The following LRRC7 variants were observed in gnomAD, a reference collection of about 807,000 sequenced individuals.
LRRC7 encodes leucine rich repeat containing 7, also known as leucine-rich repeat-containing protein 7.
In LRRC7, 23 loss-of-function variants were observed where a neutral mutation model predicts 175.7. That is an observed-to-expected ratio of 0.13 (90% CI 0.09 to 0.19). The LOEUF (loss-of-function observed/expected upper bound fraction) is 0.19. Ranked by LOEUF, LRRC7 falls within the 10% of genes least tolerant of loss-of-function variation. The pLI is 1.00. For missense variants in LRRC7, 1,354 were observed against 1,904.7 expected, an observed-to-expected ratio of 0.71 and a Z score of 5.38; for synonymous variants, 685 against 680.9, an observed-to-expected ratio of 1.01 and a Z score of -0.09.
chr1:70,021,879 T>C (rs576662099), intron 16 of LRRC7, among the ~76,000 whole-genome samples: 45 of 152,332 alleles, frequency 3.0e-4, no homozygotes, highest in Non-Finnish European at 5.4e-4. Flanking sequence ...ATCTCTCATT[T>C]ACTTTTTATA....
intron 1 of LRRC7, among the ~76,000 whole-genome samples, chr1:69,573,250 C>A (rs1273028026): frequency 6.6e-6 from 1 of 152,034 alleles, no homozygotes; most frequent in Non-Finnish European, 1.5e-5. Flanking sequence ...CAGATTTGGC[C>A]CCTGTTCATT....
chr1:69,925,033 C>T (rs1281469840), intron 7 of LRRC7, among the ~76,000 whole-genome samples: 4 of 152,092 alleles, frequency 2.6e-5, no homozygotes, highest in Non-Finnish European at 2.9e-5. Flanking sequence ...TTGTCAAAGG[C>T]CTTTTCTGCA....
chr1:69,657,581 A>G (rs1656839571), intron 1 of LRRC7, among the ~76,000 whole-genome samples: 1 of 151,872 alleles, frequency 6.6e-6, no homozygotes, highest in South Asian at 2.1e-4. Context: ...CTGTATGTAA[A>G]GTATTAAAAG....
Position 70,122,122 on chromosome 1 carries a change from T to G in LRRC7, c.*235T>G. ...GCCTCTGGCTGTGCATTGGTGCAGT[T>G]TTGTTTCTGTTTTTGTTTTTGTTTT... is the stretch of plus-strand genomic sequence containing the variant. On this transcript the variant is annotated 3_prime_UTR_variant, in exon 27 of 27. Transcript: ENST00000651989. 1 of 322,072 alleles carries G rather than the reference T, an allele frequency of 3.1e-6. No individual in the cohort carries two copies. The highest frequency in any genetic ancestry group is 5.6e-6 in the Non-Finnish European group (1 of 177,742). 20.0% of individuals were successfully genotyped at this position (322,072 alleles called of 1,614,324 possible).
At chr1:69,852,662 A>G (rs1027742803) in intron 7 of LRRC7, among the ~76,000 whole-genome samples, 1 of 152,168 alleles carries the variant, frequency 6.6e-6, no homozygotes, top group Non-Finnish European at 1.5e-5. Flanking sequence ...CTTTTCGGTT[A>G]TATGTGGACT....
At chr1:69,762,282 CAG>C (rs1213085963) in intron 3 of LRRC7, among the ~76,000 whole-genome samples, 2 of 152,128 alleles carry the variant, frequency 1.3e-5, no homozygotes, top group Admixed American at 6.6e-5. Flanking sequence ...TTCTACTACA[CAG>C]TACTTGAAGC....
At chr1:69,743,025 G>T (rs1318840271) in intron 2 of LRRC7, among the ~76,000 whole-genome samples, 2 of 151,970 alleles carry the variant, frequency 1.3e-5, no homozygotes, top group African/African-American at 2.4e-5. Flanking sequence ...TTTATTAGAA[G>T]GATGTGTTGT....
At chr1:69,750,208 A>C (rs1002086940) in intron 2 of LRRC7, among the ~76,000 whole-genome samples, 2 of 152,034 alleles carry the variant, frequency 1.3e-5, no homozygotes, top group Non-Finnish European at 2.9e-5. Context: ...AGGTTGGTTA[A>C]TGGGTAAAAA....
chr1:69,609,567 A>G (rs1221903249), intron 1 of LRRC7, among the ~76,000 whole-genome samples: 1 of 152,056 alleles, frequency 6.6e-6, no homozygotes, highest in Non-Finnish European at 1.5e-5. Context: ...TATAATTACC[A>G]TCTTATGGAT....
chr1:69,804,648 C>A (rs1005509892), intron 4 of LRRC7, among the ~76,000 whole-genome samples: 3 of 151,512 alleles, frequency 2.0e-5, no homozygotes, highest in Admixed American at 1.3e-4. Flanking sequence ...TTTCTAAATT[C>A]TTTTTGTTCC....
intron 8 of LRRC7, among the ~76,000 whole-genome samples, chr1:69,980,116 A>G (rs1557953086): frequency 6.6e-6 from 1 of 152,110 alleles, no homozygotes; most frequent in East Asian, 1.9e-4. Flanking sequence ...GAATAATTGT[A>G]AGGTATTCAG....
At chr1:69,723,517 G>T (rs1352634361) in intron 2 of LRRC7, among the ~76,000 whole-genome samples, 2 of 152,146 alleles carry the variant, frequency 1.3e-5, no homozygotes, top group Non-Finnish European at 2.9e-5. Flanking sequence ...TTACTGGACA[G>T]TTGTCAGAAA....
rs968110963 is a variant in LRRC7, at chr1:70,141,457, A to G, written c.*19570A>G. On this transcript the variant is annotated 3_prime_UTR_variant, in exon 27 of 27. Transcript: ENST00000651989. ...TGGCTTGGCACTAAATTATAGGCCT[A>G]GCAATCCTAAATCTCCTATGTCCTC... 1.3e-5 allele frequency: 2 copies of G among 152,100 alleles called. No homozygotes were observed. Among genetic ancestry groups the G allele is most frequent in the Non-Finnish European group, 2.9e-5 (2 of 67,972 alleles). 9.4% of individuals were successfully genotyped at this position (152,100 alleles called of 1,614,324 possible). A position where few individuals can be genotyped will look rare whatever the true frequency, so the allele number is the denominator to read the frequency against.
chr1:69,795,730 T>C (rs1490676993), intron 4 of LRRC7, among the ~76,000 whole-genome samples: 4 of 152,176 alleles, frequency 2.6e-5, no homozygotes, highest in African/African-American at 7.2e-5. Flanking sequence ...CAATCTGATC[T>C]TGATTGTTGA....
intron 26 of LRRC7, among the ~76,000 whole-genome samples, chr1:70,117,101 T>G (rs1665912033): frequency 6.6e-6 from 1 of 152,206 alleles, no homozygotes; most frequent in Admixed American, 6.5e-5. Flanking sequence ...GGATTATCCT[T>G]TGGGTGGTGA....
At chr1:70,035,625 CAAAAAAAAAAAA>C (rs765207825) in intron 18 of LRRC7, among the ~76,000 whole-genome samples, 1 of 71,844 alleles carries the variant, frequency 1.4e-5, no homozygotes, top group Non-Finnish European at 2.9e-5. Flanking sequence ...TAGGGATGCA[CAAAAAAAAAAAA>C]AAAAAAAAAA....
chr1:70,039,820 T>C (rs1371774977), intron 21 of LRRC7, 27 bp downstream of exon 21: 1 of 1,542,456 alleles, frequency 6.5e-7, no homozygotes, highest in East Asian at 2.3e-5. Flanking sequence ...TCTGTAAGAA[T>C]ATCCCTCCTG....
intron 20 of LRRC7, 66 bp from the exon 21 acceptor site, chr1:70,038,047 G>C: frequency 6.6e-7 from 1 of 1,524,478 alleles, no homozygotes; most frequent in South Asian, 1.3e-5. Context: ...TTTGCTGCTT[G>C]TTCTCTTTCT....
intron 7 of LRRC7, among the ~76,000 whole-genome samples, chr1:69,849,693 T>C (rs149960212): frequency 1.2e-4 from 19 of 152,118 alleles, no homozygotes; most frequent in African/African-American, 2.9e-4. Context: ...CCCCAAAACA[T>C]GGCATTCCAG....
Sources: gnomAD v4.1 joint callset for allele counts (sites outside exome capture counted in the v4.1 genomes callset) on GRCh38, gnomAD v4.1.1 for gene constraint, MANE v1.5 for transcripts, NCBI Gene and HGNC (gene_info 2026-07-23, HGNC 2026-07-21) for gene names.